Variants in PAK3 observed in about 807,000 individuals in gnomAD.
PAK3 encodes p21 (RAC1) activated kinase 3.
Under a neutral mutation model 41.0 loss-of-function variants are expected in PAK3, and 4 were observed. That is an observed-to-expected ratio of 0.10 (90% confidence interval 0.05 to 0.22). The LOEUF (loss-of-function observed/expected upper bound fraction) is 0.22. Ranked by LOEUF, PAK3 falls within the 10% of genes least tolerant of loss-of-function variation. The pLI, the probability that PAK3 is intolerant of heterozygous loss-of-function variation, is 1.00. For missense variants in PAK3, 205 were observed against 409.9 expected, an observed-to-expected ratio of 0.50 and a Z score of 4.32; for synonymous variants, 146 against 139.6, an observed-to-expected ratio of 1.05 and a Z score of -0.32.
intron 16 of PAK3, among the ~76,000 whole-genome samples, chrX:111,213,504 C>T (rs994918867): frequency 9.0e-5 from 10 of 111,423 alleles, no homozygotes; most frequent in Non-Finnish European, 1.9e-4. Context: ...TATGTACTTT[C>T]AAGGAAGAAA....
chrX:110,958,253 A>C (rs1484261154), intron 1 of PAK3, among the ~76,000 whole-genome samples: 1 of 112,303 alleles, frequency 8.9e-6, no homozygotes, highest in Non-Finnish European at 1.9e-5. Context: ...CTTGAAGGCC[A>C]TGGTAATGAG....
chrX:111,036,616 G>T (rs1019662215), intron 1 of PAK3, among the ~76,000 whole-genome samples: 1 of 112,056 alleles, frequency 8.9e-6, no homozygotes, highest in Non-Finnish European at 1.9e-5. Context: ...TTGACATGTG[G>T]AGATTATTAT....
At chrX:111,113,336 T>G (rs1036770148) in intron 4 of PAK3, among the ~76,000 whole-genome samples, 7 of 111,696 alleles carry the variant, frequency 6.3e-5, no homozygotes, top group Admixed American at 4.8e-4. Context: ...GATAGAGATG[T>G]GTCTTTATTC....
chrX:111,107,503 G>T (rs1023720255), intron 4 of PAK3, among the ~76,000 whole-genome samples: 2 of 112,148 alleles, frequency 1.8e-5, no homozygotes, highest in African/African-American at 3.2e-5. Flanking sequence ...ACAAACCCAG[G>T]AGTGAACTAA....
rs1302953301 is a variant in PAK3, at chrX:111,144,940, T to G, written c.276+2744T>G. On this transcript the variant is annotated intron_variant, in intron 6 of 17. Coordinates refer to ENST00000372007, the MANE Select transcript of PAK3 (RefSeq NM_002578.5). ...GAAAAATGGTATGAGTGATATAAAT[T>G]ATCATTTCTTATGATAAGATAAATG... The G allele has an allele frequency of 5.5e-6, 5 of 906,534 alleles. No individual in the cohort carries two copies. In the Admixed American group the frequency reaches 1.3e-4, roughly 23 times the overall value. 74.7% of individuals were successfully genotyped at this position (906,534 alleles called of 1,213,427 possible).
At chrX:111,200,180 T>C (rs1254213916) in intron 16 of PAK3, among the ~76,000 whole-genome samples, 1 of 111,533 alleles carries the variant, frequency 9.0e-6, no homozygotes, top group African/African-American at 3.3e-5. Flanking sequence ...AGTGTTTTCA[T>C]ATAAAGCTTG....
At chrX:111,074,296 G>A (rs1400654531) in intron 1 of PAK3, among the ~76,000 whole-genome samples, 2 of 111,450 alleles carry the variant, frequency 1.8e-5, no homozygotes, top group Non-Finnish European at 3.8e-5. Context: ...GGATCATGGG[G>A]GATGATCCCT....
At chrX:111,077,784 A>G in intron 1 of PAK3, among the ~76,000 whole-genome samples, 1 of 112,046 alleles carries the variant, frequency 8.9e-6, no homozygotes, top group Admixed American at 9.5e-5. Flanking sequence ...AAAAGCACAG[A>G]CAACTAAAGC....
chrX:111,090,179 C>G (rs1045980641), intron 1 of PAK3, among the ~76,000 whole-genome samples: 4 of 111,299 alleles, frequency 3.6e-5, no homozygotes, highest in African/African-American at 1.3e-4. Flanking sequence ...TGGCCATGCC[C>G]TACCATCTTT....
intron 1 of PAK3, among the ~76,000 whole-genome samples, chrX:110,976,574 A>G (rs2091334732): frequency 8.9e-6 from 1 of 112,152 alleles, no homozygotes; most frequent in Non-Finnish European, 1.9e-5. Context: ...ATTTAGAACT[A>G]GAATTACCAT....
intron 5 of PAK3, among the ~76,000 whole-genome samples, chrX:111,128,051 T>C (rs2093671787): frequency 8.9e-6 from 1 of 112,552 alleles, no homozygotes; most frequent in African/African-American, 3.2e-5. Flanking sequence ...TAATCAATGT[T>C]AAGGACTTGA....
At chrX:111,105,158 C>T (rs970037758) in intron 4 of PAK3, among the ~76,000 whole-genome samples, 1 of 111,423 alleles carries the variant, frequency 9.0e-6, no homozygotes, top group Non-Finnish European at 1.9e-5. Context: ...ATTCACACTG[C>T]CACAAATTCA....
At chrX:111,015,303 T>A (rs2092072482) in intron 1 of PAK3, among the ~76,000 whole-genome samples, 1 of 111,081 alleles carries the variant, frequency 9.0e-6, no homozygotes, top group Non-Finnish European at 1.9e-5. Flanking sequence ...GACTGAATAA[T>A]ATTCCACTGT....
At chrX:111,045,969 T>C (rs1300967720) in intron 1 of PAK3, among the ~76,000 whole-genome samples, 2 of 111,750 alleles carry the variant, frequency 1.8e-5, no homozygotes, top group Non-Finnish European at 3.8e-5. Flanking sequence ...TAATTCCAGG[T>C]AACCTAGCCT....
intron 1 of PAK3, among the ~76,000 whole-genome samples, chrX:111,013,276 G>T (rs2092037874): frequency 5.4e-5 from 6 of 111,967 alleles, no homozygotes; most frequent in Admixed American, 4.7e-4. Context: ...AGATAATTAG[G>T]CCTGGAGAGG....
intron 1 of PAK3, among the ~76,000 whole-genome samples, chrX:111,016,198 A>G (rs1002841725): frequency 3.6e-5 from 4 of 112,129 alleles, no homozygotes; most frequent in Non-Finnish European, 7.5e-5. Flanking sequence ...GCCTTAGCAA[A>G]ATTATTTTTT....
At position 110,945,177 on chromosome X, in the gene PAK3, T is replaced by G. The variant is rs1267451285; in HGVS notation, c.-28+549T>G. ...AATGCAGTGGTGTGTGTCGTGGAGA[T>G]GGTGTGGGTTTTGTGTGGAATTCAG... On this transcript the variant is annotated intron_variant, in intron 1 of 14. Coordinates refer to the PAK3 transcript ENST00000425146. 4.5e-5 allele frequency among the ~76,000 whole-genome samples: 5 copies of G among 111,100 alleles called. No homozygotes were observed. The Admixed American group carries it at 4.7e-4, about 11-fold the overall frequency.
chrX:111,163,436 C>T, intron 9 of PAK3, 126 bp from the exon 10 acceptor site: 1 of 564,313 alleles, frequency 1.8e-6, no homozygotes, highest in Non-Finnish European at 3.0e-6. Flanking sequence ...TTCAGCTACT[C>T]AAAGTCCTTT....
At chrX:111,009,849 G>T (rs1195473322) in intron 1 of PAK3, among the ~76,000 whole-genome samples, 2 of 112,213 alleles carry the variant, frequency 1.8e-5, no homozygotes, top group Non-Finnish European at 3.8e-5. Context: ...GCCAGGCATT[G>T]TTAATATCTA....
Sources: gnomAD v4.1 joint callset for allele counts (sites outside exome capture counted in the v4.1 genomes callset) on GRCh38, gnomAD v4.1.1 for gene constraint, MANE v1.5 for transcripts, NCBI Gene and HGNC (gene_info 2026-07-23, HGNC 2026-07-21) for gene names.